CACNA1B: variants seen among roughly 807,000 people sequenced by gnomAD.
CACNA1B encodes voltage-dependent N-type calcium channel subunit alpha-1B.
A neutral mutation model predicts 247.2 loss-of-function variants in CACNA1B; 70 were observed. That is an observed-to-expected ratio of 0.28 (90% CI 0.23 to 0.35). The LOEUF is 0.35. CACNA1B is among the 10% of genes least tolerant of loss of function. CACNA1B has a pLI of 1.00. For synonymous variants in CACNA1B, 1,231 were observed against 1,294.4 expected, an observed-to-expected ratio of 0.95 and a Z score of 1.05; for missense variants, 2,367 against 3,197.4, an observed-to-expected ratio of 0.74 and a Z score of 6.26.
chr9:137,928,881 C>T (rs1446268179), intron 6 of CACNA1B, among the ~76,000 whole-genome samples: 3 of 152,140 alleles, frequency 2.0e-5, no homozygotes, highest in Non-Finnish European at 2.9e-5. Flanking sequence ...ATCATACAAT[C>T]GGTGGCCTTT....
rs1959297220 is a variant in CACNA1B at position 138,051,951 on chromosome 9, G to C, written c.3711-141G>C. 1 of 580,124 alleles carries C rather than the reference G, an allele frequency of 1.7e-6. No individual in the cohort carries two copies. The highest frequency in any genetic ancestry group is 1.9e-5 in the South Asian group (1 of 51,490). 35.9% of individuals were successfully genotyped at this position (580,124 alleles called of 1,614,324 possible). A position where few individuals can be genotyped will look rare whatever the true frequency, so the allele number is the denominator to read the frequency against. On this transcript the variant is annotated intron_variant, in intron 24 of 46. Coordinates refer to ENST00000371372, the MANE Select transcript of CACNA1B (RefSeq NM_000718.4). The surrounding 1 kb of genome is among the most constrained non-coding windows in gnomAD (Gnocchi z 4.3). ...TGGCCTGTGGCACCTGCAGGGCAAG[G>C]CCTCTCTGCTCCTGGGTCCTCCACC...
chr9:138,054,073 T>C lies in CACNA1B; in HGVS notation c.3968+67T>C. 3 of 1,483,346 alleles carry C rather than the reference T, an allele frequency of 2.0e-6. No homozygotes were observed. The highest frequency in any genetic ancestry group is 2.8e-6 in the Non-Finnish European group (3 of 1,065,198). 91.9% of individuals were successfully genotyped at this position (1,483,346 alleles called of 1,614,324 possible). ...GATGCAGACAACACTGGGAGTTCCC[T>C]TGGGACCAGGTGGAGCTGGTCACAC... On this transcript the variant is annotated intron_variant, in intron 26 of 46. Coordinates refer to ENST00000371372, the MANE Select transcript of CACNA1B (RefSeq NM_000718.4). This position sits in a 1 kb window ranked among gnomAD's most constrained non-coding sequence, Gnocchi z 4.6.
intron 31 of CACNA1B, among the ~76,000 whole-genome samples, chr9:138,066,143 A>G (rs189540161): frequency 1.3e-5 from 2 of 152,308 alleles, no homozygotes; most frequent in East Asian, 3.9e-4. Flanking sequence ...AATCAATTCC[A>G]TGTAATTTGG....
intron 37 of CACNA1B, among the ~76,000 whole-genome samples, chr9:138,101,425 T>C (rs1156866767): frequency 2.0e-5 from 3 of 152,192 alleles, no homozygotes; most frequent in African/African-American, 4.8e-5. Flanking sequence ...AGCTTTCTGG[T>C]TGGGATCAGC....
In CACNA1B at chr9:138,120,254, C is replaced by T. The variant is rs1400987127; in HGVS notation, c.6120C>T (p.Asp2040=). Residue 2040 remains aspartate, a synonymous_variant, in exon 45 of 47, where the codon GAC becomes GAT. Coordinates refer to ENST00000371372, the MANE Select transcript of CACNA1B (RefSeq NM_000718.4). ...RGTHLCSTTP[D]RPPPSQASSH... ...CTCATCTTTGCAGCACCACCCCGGA[C>T]CGCCCACCCCCTAGCCAGGCGTCGT... The T allele has an allele frequency of 6.2e-7, 1 of 1,602,130 alleles. No individual in the cohort carries two copies. Among genetic ancestry groups the T allele is most frequent in the Non-Finnish European group, 8.5e-7 (1 of 1,175,706 alleles).
intron 6 of CACNA1B, among the ~76,000 whole-genome samples, chr9:137,936,057 C>A (rs1179214740): frequency 2.6e-5 from 4 of 152,236 alleles, no homozygotes; most frequent in Admixed American, 2.0e-4. Context: ...CGGGGTTTCA[C>A]CGTGTTAGCC....
intron 42 of CACNA1B, among the ~76,000 whole-genome samples, chr9:138,117,520 G>A (rs180922384): frequency 1.2e-4 from 18 of 152,316 alleles, no homozygotes; most frequent in African/African-American, 4.3e-4. Flanking sequence ...AATGCAGGCT[G>A]TACACATGCG....
At chr9:137,907,322 T>G (rs1034082627) in intron 3 of CACNA1B, among the ~76,000 whole-genome samples, 8 of 152,232 alleles carry the variant, frequency 5.3e-5, no homozygotes, top group African/African-American at 1.9e-4. Context: ...GAAAGGCATT[T>G]TTATTTTCCT....
chr9:137,913,311 A>G lies in CACNA1B; in HGVS notation c.622+40A>G. On this transcript the variant is annotated intron_variant, in intron 4 of 46. Coordinates refer to ENST00000371372, the MANE Select transcript of CACNA1B (RefSeq NM_000718.4). The surrounding 1 kb of genome is among the most constrained non-coding windows in gnomAD (Gnocchi z 5.2). ...GACAGGCCCAAGCCGGCTTGGAGTA[A>G]CAACCTCCTCTCCTACCCTCACCAC... 6.8e-7 allele frequency: 1 copy of G among 1,464,180 alleles called. No individual in the cohort carries two copies. The highest frequency in any genetic ancestry group is 1.1e-5 in the South Asian group (1 of 87,484). The allele number at this position is 1,464,180 out of a possible 1,614,324, so 90.7% of individuals were successfully genotyped here. A position where few individuals can be genotyped will look rare whatever the true frequency, so the allele number is the denominator to read the frequency against.
At chr9:137,944,871 C>G (rs557087056) in intron 6 of CACNA1B, among the ~76,000 whole-genome samples, 2 of 152,250 alleles carry the variant, frequency 1.3e-5, no homozygotes, top group South Asian at 2.1e-4. Flanking sequence ...CTCAGGAGCA[C>G]TTGGCAAGGA....
At chr9:138,096,745 C>T (rs1260979456) in intron 37 of CACNA1B, 134 bp downstream of exon 37, 3 of 770,320 alleles carry the variant, frequency 3.9e-6, no homozygotes, top group Non-Finnish European at 6.0e-6. Context: ...GGGATCTGTC[C>T]TGTTTCGTGT....
intron 15 of CACNA1B, among the ~76,000 whole-genome samples, chr9:138,002,234 T>A (rs1422632370): frequency 1.3e-5 from 2 of 152,140 alleles, no homozygotes; most frequent in African/African-American, 4.8e-5. Context: ...GTTGGTTATA[T>A]GAGAAAGATG....
chr9:137,976,115 C>A, intron 12 of CACNA1B, 96 bp downstream of exon 12: 1 of 775,976 alleles, frequency 1.3e-6, no homozygotes, highest in South Asian at 1.6e-5. Flanking sequence ...GGGCTGGGGT[C>A]TGTGACCCTA....
At chr9:138,049,437 C>T (rs899500541) in intron 24 of CACNA1B, 122 bp downstream of exon 24, 6 of 719,218 alleles carry the variant, frequency 8.3e-6, no homozygotes, top group African/African-American at 1.7e-5. Context: ...GGCTCTGTTG[C>T]TGTCCATGTG....
At chr9:137,969,567 C>G (rs1958120918) in intron 10 of CACNA1B, among the ~76,000 whole-genome samples, 1 of 152,162 alleles carries the variant, frequency 6.6e-6, no homozygotes, top group Non-Finnish European at 1.5e-5. Flanking sequence ...CGTGTGTGTG[C>G]AGACACAGTG....
At chr9:138,108,974 T>G (rs1441143262) in intron 39 of CACNA1B, among the ~76,000 whole-genome samples, 14 of 152,198 alleles carry the variant, frequency 9.2e-5, no homozygotes. Flanking sequence ...TTTTAAAAGA[T>G]AATATATGAT....
rs1336301211 is a variant in CACNA1B at position 138,123,563 on chromosome 9, T to A, written c.*1564T>A. 1 of 1,722 alleles carries A rather than the reference T, an allele frequency of 5.8e-4. No homozygotes were observed. Among genetic ancestry groups the A allele is most frequent in the Non-Finnish European group, 5.0e-3 (1 of 202 alleles). The allele number at this position is 1,722 out of a possible 1,614,324, so 0.1% of individuals were successfully genotyped here. On this transcript the variant is annotated 3_prime_UTR_variant, in exon 47 of 47. Coordinates refer to ENST00000371372, the MANE Select transcript of CACNA1B (RefSeq NM_000718.4). ...CTCCTCAAAGAAATTGTGTGTGATG[T>A]GTGTGTGTGTGTGTGTGTGTGTGTG...
intron 39 of CACNA1B, among the ~76,000 whole-genome samples, chr9:138,108,854 T>C (rs957914107): frequency 6.6e-6 from 1 of 152,222 alleles, no homozygotes; most frequent in Non-Finnish European, 1.5e-5. Flanking sequence ...TTTCACCGTG[T>C]TAGCCAGGAT....
rs147173787 is a variant in CACNA1B at position 138,046,860 on chromosome 9, G to A, written c.3414-44G>A. The A allele has an allele frequency of 1.7e-3, 2,647 of 1,590,638 alleles. 11 individuals are homozygous for A. Among genetic ancestry groups the A allele is most frequent in the African/African-American group, 2.9e-3 (217 of 74,688 alleles). ...CCTGCCCTGTGGCAAGGGGTGGCGC[G>A]CCCGGCTGGGGGGCCTTGTGGTGAT... On this transcript the variant is annotated intron_variant, in intron 21 of 46. Transcript: ENST00000371372.
Sources: gnomAD v4.1 joint callset for allele counts (sites outside exome capture counted in the v4.1 genomes callset) on GRCh38, gnomAD v4.1.1 for gene constraint, Gnocchi (gnomAD v3.1) non-coding constraint, MANE v1.5 for transcripts, NCBI Gene and HGNC (gene_info 2026-07-23, HGNC 2026-07-21) for gene names.